ARID2: variants seen among roughly 807,000 people sequenced by gnomAD.
ARID2 encodes AT-rich interaction domain 2.
A neutral mutation model predicts 184.6 loss-of-function variants in ARID2; 32 were observed. That is an observed-to-expected ratio of 0.17 (90% CI 0.13 to 0.23). ARID2 has a LOEUF of 0.23. ARID2 is among the 10% of genes least tolerant of loss of function. The pLI is 1.00. For missense variants in ARID2, 1,696 were observed against 2,197.6 expected, an observed-to-expected ratio of 0.77 and a Z score of 4.56; for synonymous variants, 836 against 772.6, an observed-to-expected ratio of 1.08 and a Z score of -1.36.
chr12:45,744,151 A>G (rs1335809766), intron 3 of ARID2, among the ~76,000 whole-genome samples: 2 of 152,178 alleles, frequency 1.3e-5, no homozygotes, highest in Non-Finnish European at 2.9e-5. Context: ...TAGTAGGGAA[A>G]ATGGAAACAT....
At chr12:45,819,787 A>G (rs1942865694) in intron 5 of ARID2, among the ~76,000 whole-genome samples, 1 of 151,018 alleles carries the variant, frequency 6.6e-6, no homozygotes, top group Admixed American at 6.6e-5. Context: ...TCTGTCCCCT[A>G]GGCTGGAATG....
intron 6 of ARID2, among the ~76,000 whole-genome samples, chr12:45,826,336 A>G (rs1943000003): frequency 6.6e-6 from 1 of 152,074 alleles, no homozygotes; most frequent in Admixed American, 6.6e-5. Flanking sequence ...CGAGCTGGTA[A>G]TATTTGAATT....
In ARID2 at chr12:45,817,652, A is replaced by ATT. The variant is rs752578353; in HGVS notation, c.419-11_419-10dup. 6.3e-7 allele frequency: 1 copy of ATT among 1,583,666 alleles called. No homozygotes were observed. The highest frequency in any genetic ancestry group is 8.6e-7 in the Non-Finnish European group (1 of 1,164,602). ...ATCTGATCTTTGATATACTTAAGGT[A>ATT]TTTTTTTTCTTTGTTAGATTATCTG... On this transcript the variant is annotated splice_polypyrimidine_tract_variant and intron_variant, in intron 4 of 20. Coordinates refer to ENST00000334344, the MANE Select transcript of ARID2 (RefSeq NM_152641.4).
intron 16 of ARID2, among the ~76,000 whole-genome samples, chr12:45,862,167 GT>G (rs150750117): frequency 0.052 from 7,874 of 151,962 alleles, 310 homozygotes; most frequent in Admixed American, 0.08. Flanking sequence ...ATTTTAGTAG[GT>G]TTTTGTTTGT....
intron 18 of ARID2, among the ~76,000 whole-genome samples, chr12:45,893,056 C>T (rs1299677683): frequency 1.3e-5 from 2 of 152,066 alleles, no homozygotes; most frequent in East Asian, 1.9e-4. Flanking sequence ...GTAGACTTTT[C>T]TTCTTTGTTA....
At chr12:45,847,686 T>C (rs1164393796) in intron 12 of ARID2, among the ~76,000 whole-genome samples, 1 of 152,048 alleles carries the variant, frequency 6.6e-6, no homozygotes, top group Non-Finnish European at 1.5e-5. Flanking sequence ...ATTATTTGTC[T>C]CCCATTTCAT....
At chr12:45,876,414 G>A (rs1944009071) in intron 16 of ARID2, among the ~76,000 whole-genome samples, 1 of 152,144 alleles carries the variant, frequency 6.6e-6, no homozygotes, top group South Asian at 2.1e-4. Flanking sequence ...GCCAGATGTG[G>A]TGGCACATGC....
At chr12:45,776,516 A>C (rs781134089) in intron 3 of ARID2, among the ~76,000 whole-genome samples, 2 of 152,208 alleles carry the variant, frequency 1.3e-5, no homozygotes, top group Non-Finnish European at 2.9e-5. Context: ...CTATTTTAAA[A>C]AAGCCCTCAA....
In ARID2 at chr12:45,731,219, T is replaced by G. The variant is rs2137962559; in HGVS notation, c.189T>G (p.Val63=). 1 of 1,611,348 alleles carries G rather than the reference T, an allele frequency of 6.2e-7. No homozygotes were observed. Among genetic ancestry groups the G allele is most frequent in the Non-Finnish European group, 8.5e-7 (1 of 1,177,456 alleles). Residue 63 remains valine, a splice_region_variant and synonymous_variant, in exon 3 of 21, where the codon GTT becomes GTG. Transcript: ENST00000334344. ...RVTTLGGFAK[V]SEKNQWGEIV... ...CAACTGTGCCTGTGTTTTACCAGGT[T>G]TCTGAGAAGAATCAGTGGGGAGAAA...
At chr12:45,873,375 A>G (rs1943956046) in intron 16 of ARID2, among the ~76,000 whole-genome samples, 1 of 152,194 alleles carries the variant, frequency 6.6e-6, no homozygotes, top group Admixed American at 6.5e-5. Context: ...GATAGCTATC[A>G]TATTTGTAAA....
intron 15 of ARID2, among the ~76,000 whole-genome samples, chr12:45,856,603 A>G (rs1001535064): frequency 1.3e-5 from 2 of 152,180 alleles, no homozygotes; most frequent in Admixed American, 1.3e-4. Flanking sequence ...GAAAGAGCAC[A>G]GGGAAGTCTC....
intron 6 of ARID2, 126 bp from the exon 7 acceptor site, chr12:45,836,463 A>G (rs1000492203): frequency 2.4e-6 from 2 of 830,644 alleles, no homozygotes; most frequent in Non-Finnish European, 3.6e-6. Flanking sequence ...TAATCCTCCC[A>G]TCTTGGCCTC....
intron 3 of ARID2, among the ~76,000 whole-genome samples, chr12:45,738,054 T>C (rs1462542044): frequency 6.6e-6 from 1 of 152,218 alleles, no homozygotes; most frequent in African/African-American, 2.4e-5. Flanking sequence ...TATTCCTAAT[T>C]GGAGAACTTT....
chr12:45,754,752 G>A (rs1425032580), intron 3 of ARID2, among the ~76,000 whole-genome samples: 1 of 152,170 alleles, frequency 6.6e-6, no homozygotes. Flanking sequence ...TGAACTGTGA[G>A]CCTGAGGAGG....
At chr12:45,801,332 A>AAG (rs762681447) in intron 3 of ARID2, among the ~76,000 whole-genome samples, 1 of 111,912 alleles carries the variant, frequency 8.9e-6, no homozygotes. Flanking sequence ...AAAAAAAAAA[A>AAG]GTAAAAAAAG....
At chr12:45,756,662 C>G (rs1941577715) in intron 3 of ARID2, among the ~76,000 whole-genome samples, 1 of 152,188 alleles carries the variant, frequency 6.6e-6, no homozygotes, top group African/African-American at 2.4e-5. Context: ...CATGGGTTTG[C>G]TTTTGCTTAG....
chr12:45,764,501 C>T (rs1941736839), intron 3 of ARID2, among the ~76,000 whole-genome samples: 1 of 152,234 alleles, frequency 6.6e-6, no homozygotes, highest in Non-Finnish European at 1.5e-5. Context: ...TCACATTCTT[C>T]TGTCCCTTGT....
Position 45,764,088 on chromosome 12 carries a change from T to A in ARID2, c.284+32774T>A, listed in dbSNP as rs182723459. On this transcript the variant is annotated intron_variant, in intron 3 of 20. Transcript: ENST00000334344. ...CACCATTTCTCAACTAGTTTTTTTT[T>A]AATATTAGACTTATCTATGGACGTA... Among the ~76,000 whole-genome samples, 6 of 152,310 alleles carry A rather than the reference T, an allele frequency of 3.9e-5. No homozygotes were observed. In the East Asian group the frequency reaches 9.6e-4, roughly 24 times the overall value.
chr12:45,733,826 A>C (rs1941052891), intron 3 of ARID2, among the ~76,000 whole-genome samples: 1 of 152,258 alleles, frequency 6.6e-6, no homozygotes, highest in Non-Finnish European at 1.5e-5. Context: ...GGTCTGCCAG[A>C]CATTAACTTA....
Sources: gnomAD v4.1 joint callset for allele counts (sites outside exome capture counted in the v4.1 genomes callset) on GRCh38, gnomAD v4.1.1 for gene constraint, MANE v1.5 for transcripts, NCBI Gene and HGNC (gene_info 2026-07-23, HGNC 2026-07-21) for gene names.